TLE2: variants seen among roughly 807,000 people sequenced by gnomAD.
TLE2 encodes TLE family member 2, transcriptional corepressor.
A neutral mutation model predicts 97.2 loss-of-function variants in TLE2; 74 were observed. That is an observed-to-expected ratio of 0.76 (90% CI 0.63 to 0.92). The LOEUF (loss-of-function observed/expected upper bound fraction) is 0.92. Among genes scored for constraint, TLE2 ranks in the 40% least tolerant of loss-of-function variants. The pLI is 0.00. For synonymous variants in TLE2, 499 were observed against 432.1 expected (o/e 1.15, Z -1.92); for missense variants, 1,038 against 1,008.7 (o/e 1.03, Z -0.39).
chr19:3,016,457 G>A (rs941119330), intron 8 of TLE2, among the ~76,000 whole-genome samples: 41 of 148,598 alleles, frequency 2.8e-4, no homozygotes, highest in Admixed American at 2.5e-3. Context: ...GGGCATGGTG[G>A]CGGGCACTTG....
chr19:3,040,014 T>C (rs1599256516), intron 1 of TLE2, among the ~76,000 whole-genome samples: 1 of 152,344 alleles, frequency 6.6e-6, no homozygotes, highest in Middle Eastern at 3.4e-3. Flanking sequence ...TGTGGGAGTG[T>C]GTGCGGCCCA....
At chr19:3,004,144 G>C (rs1001847663) in intron 17 of TLE2, among the ~76,000 whole-genome samples, 2 of 152,190 alleles carry the variant, frequency 1.3e-5, no homozygotes, top group Non-Finnish European at 2.9e-5. Context: ...TTGCAGAAGA[G>C]AAGACTGGAG....
At chr19:3,023,782 C>G (rs2089891844) in intron 5 of TLE2, among the ~76,000 whole-genome samples, 2 of 151,718 alleles carry the variant, frequency 1.3e-5, no homozygotes, top group South Asian at 4.2e-4. Flanking sequence ...ATCCCAGCTA[C>G]TCAGGAGGCT....
At chr19:3,045,804 G>A (rs970696834), upstream of TLE2, 6 of 410,380 alleles carry the variant, frequency 1.5e-5, no homozygotes, top group Non-Finnish European at 3.0e-5. Context: ...TTCAGCCTGG[G>A]CAACAAGAGT....
intron 19 of TLE2, among the ~76,000 whole-genome samples, chr19:2,998,293 T>TG (rs1568227472): frequency 6.9e-6 from 1 of 144,844 alleles, no homozygotes; most frequent in African/African-American, 2.7e-5. Context: ...TTTTTTTTTT[T>TG]GTGAGACAGG....
chr19:3,019,506 G>A lies in TLE2; in HGVS notation c.370-43C>T, dbSNP rs779319519. 41 of 1,482,506 alleles carry A rather than the reference G, an allele frequency of 2.8e-5. No homozygotes were observed. Among genetic ancestry groups the A allele is most frequent in the Non-Finnish European group, 3.7e-5 (41 of 1,119,786 alleles). The allele number at this position is 1,482,506 out of a possible 1,614,324, so 91.8% of individuals were successfully genotyped here. On this transcript the variant is annotated intron_variant, in intron 6 of 19. Coordinates refer to ENST00000262953, the MANE Select transcript of TLE2 (RefSeq NM_003260.5). The surrounding 1 kb of genome is among the most constrained non-coding windows in gnomAD (Gnocchi z 5.1). ...GGATGGGCCGGGGCGGGGGGCGGCAGGAGCCCAGCGGTCCCCAGCCCAAGA... is the reference window on the plus strand; with the variant it reads ...GGATGGGCCGGGGCGGGGGGCGGCAAGAGCCCAGCGGTCCCCAGCCCAAGA...
chr19:3,011,143 G>A lies in TLE2; in HGVS notation c.891C>T (p.Ser297=). The A allele has an allele frequency of 2.5e-6, 4 of 1,604,442 alleles. No individual in the cohort carries two copies. The highest frequency in any genetic ancestry group is 3.4e-6 in the Non-Finnish European group (4 of 1,175,284). The change falls in exon 12 of 20, where the codon AGC becomes AGT. Residue 297 remains serine, a synonymous_variant. Transcript: ENST00000262953. ...AGTCACAGGATTTGGAGGCAGGAGT[G>A]CTGGCGGGAAGGTCATTCTGCAGAG... ...KELILNDLPA[S]TPASKSCDSS...
At chr19:3,034,815 G>A (rs538055934) in intron 1 of TLE2, among the ~76,000 whole-genome samples, 5 of 152,218 alleles carry the variant, frequency 3.3e-5, no homozygotes, top group Non-Finnish European at 7.4e-5. Context: ...CCAGCCCTAG[G>A]CCTTCCAGGG....
chr19:3,008,930 G>A lies in TLE2; in HGVS notation c.1189C>T (p.His397Tyr). ...ACGGATGACCCTCGGAGATGGGGAT[G>A]AGACTCAAATGCCATCTGTGAGAAT... ...GRSPVMAFES[H>Y]PHLRGSSVSS... Residue 397 changes from histidine (H) to tyrosine (Y), a missense_variant, in exon 14 of 20, where the codon CAT (histidine) becomes TAT (tyrosine). Transcript: ENST00000262953. The A allele has an allele frequency of 6.3e-7, 1 of 1,592,596 alleles. No individual in the cohort carries two copies. The highest frequency in any genetic ancestry group is 8.5e-7 in the Non-Finnish European group (1 of 1,169,734).
intron 11 of TLE2, among the ~76,000 whole-genome samples, chr19:3,012,011 A>G (rs1461634343): frequency 6.6e-6 from 1 of 152,014 alleles, no homozygotes; most frequent in South Asian, 2.1e-4. Context: ...TTAGGAGGCC[A>G]AGGTGGGCGG....
chr19:3,014,769 A>G, intron 9 of TLE2, among the ~76,000 whole-genome samples, 155 bp from the exon 10 acceptor site: 1 of 151,980 alleles, frequency 6.6e-6, no homozygotes, highest in East Asian at 1.9e-4. Context: ...AGCAGAAGGG[A>G]AGGCTGCACG....
Position 3,005,703 on chromosome 19 carries a change from A to G in TLE2, c.1748+18T>C. The G allele has an allele frequency of 1.2e-6, 2 of 1,610,362 alleles. No homozygotes were observed. The highest frequency in any genetic ancestry group is 1.7e-6 in the Non-Finnish European group (2 of 1,177,314). ...CGGCCGGGGGCTTGCCCAAGGTCCC[A>G]GCGCACCTGCCACCCACCTGACCAT... On this transcript the variant is annotated intron_variant, in intron 16 of 19. Transcript: ENST00000262953.
At chr19:3,018,888 G>C (rs1231774448) in intron 7 of TLE2, among the ~76,000 whole-genome samples, 1 of 152,174 alleles carries the variant, frequency 6.6e-6, no homozygotes, top group African/African-American at 2.4e-5. Context: ...AAAGTGCTGG[G>C]ATTACAGGCA....
intron 1 of TLE2, among the ~76,000 whole-genome samples, chr19:3,040,036 T>G (rs548218261): frequency 1.3e-5 from 2 of 152,332 alleles, no homozygotes; most frequent in East Asian, 3.9e-4. Context: ...CGGGGACAAT[T>G]TGGGGTGCGG....
At chr19:3,025,485 C>T (rs757697539) in intron 4 of TLE2, 68 of 1,014,228 alleles carry the variant, frequency 6.7e-5, no homozygotes, top group Non-Finnish European at 7.8e-5. Context: ...ATTCCAGCCC[C>T]GGCTTGGCCC....
At chr19:3,015,103 G>A (rs1599219804) in intron 9 of TLE2, among the ~76,000 whole-genome samples, 2 of 148,470 alleles carry the variant, frequency 1.3e-5, no homozygotes, top group Non-Finnish European at 3.0e-5. Context: ...AAGATTTAAG[G>A]CTTCTCTGAG....
upstream of TLE2, among the ~76,000 whole-genome samples, chr19:3,030,198 A>T (rs2090011950): frequency 6.6e-6 from 1 of 152,208 alleles, no homozygotes. Context: ...TGCCATCACC[A>T]GTGGACTGGG....
chr19:3,031,966 T>C (rs2090028139), upstream of TLE2, among the ~76,000 whole-genome samples: 1 of 152,162 alleles, frequency 6.6e-6, no homozygotes, highest in African/African-American at 2.4e-5. Context: ...CTTGCTCTGC[T>C]GCCCAGGCTG....
chr19:3,037,085 G>T (rs888823439), intron 1 of TLE2, among the ~76,000 whole-genome samples: 1 of 152,208 alleles, frequency 6.6e-6, no homozygotes, highest in African/African-American at 2.4e-5. Flanking sequence ...AGGAGTTCGA[G>T]ACCAGCCTGG....
Sources: allele counts gnomAD v4.1 joint callset (sites outside exome capture counted in the v4.1 genomes callset), GRCh38; gene constraint gnomAD v4.1.1; non-coding constraint Gnocchi (gnomAD v3.1); transcripts MANE v1.5; gene names NCBI Gene and HGNC (gene_info 2026-07-23, HGNC 2026-07-21).